NBDY: variants seen among roughly 807,000 people sequenced by gnomAD.
The protein encoded by NBDY is negative regulator of P-body association.
intron 2 of NBDY, among the ~76,000 whole-genome samples, chrX:56,741,234 G>A (rs1253615768): frequency 9.0e-6 from 1 of 111,468 alleles, no homozygotes; most frequent in Non-Finnish European, 1.9e-5. Flanking sequence ...CTTCGTTCAT[G>A]TATCTGTTGA....
At chrX:56,737,526 G>A (rs1178008340) in intron 2 of NBDY, 44 of 954,410 alleles carry the variant, frequency 4.6e-5, no homozygotes, top group South Asian at 2.8e-4. Flanking sequence ...TACCATTTTC[G>A]AATACCATCC....
chrX:56,753,194 G>A (rs1439715655), intron 2 of NBDY, among the ~76,000 whole-genome samples: 1 of 112,395 alleles, frequency 8.9e-6, no homozygotes, highest in Non-Finnish European at 1.9e-5. Flanking sequence ...CCATGCACCT[G>A]TTCTTGAAGA....
intron 2 of NBDY, 77 bp downstream of exon 2, chrX:56,732,276 A>G (rs1022081694): frequency 4.2e-5 from 12 of 287,470 alleles, no homozygotes; most frequent in Non-Finnish European, 6.7e-5. Flanking sequence ...AAAAGTAGCC[A>G]AACAAAACTC....
chrX:56,732,025 G>GA (rs1413262898), intron 1 of NBDY, 38 bp from the exon 2 acceptor site: 2 of 292,003 alleles, frequency 6.8e-6, no homozygotes, highest in African/African-American at 2.8e-5. Flanking sequence ...GACAAAAACA[G>GA]AAAAAATGAT....
At chrX:56,738,873 A>T (rs1385321841) in intron 2 of NBDY, among the ~76,000 whole-genome samples, 2 of 110,867 alleles carry the variant, frequency 1.8e-5, no homozygotes, top group Non-Finnish European at 3.8e-5. Flanking sequence ...TAGAAATGTG[A>T]CTGGACTAAA....
At chrX:56,731,297 G>A (rs1305082995) in intron 1 of NBDY, among the ~76,000 whole-genome samples, 1 of 108,293 alleles carries the variant, frequency 9.2e-6, no homozygotes, top group Non-Finnish European at 1.9e-5. Context: ...AGTGGCTCAC[G>A]CCTGTAATCC....
intron 2 of NBDY, among the ~76,000 whole-genome samples, chrX:56,814,361 A>G (rs923461770): frequency 1.2e-4 from 13 of 110,390 alleles, no homozygotes; most frequent in Admixed American, 2.9e-4. Flanking sequence ...TTTAAGAAAC[A>G]GTTTTATTAA....
intron 2 of NBDY, among the ~76,000 whole-genome samples, chrX:56,798,512 G>C (rs1190311629): frequency 9.0e-6 from 1 of 111,679 alleles, no homozygotes; most frequent in African/African-American, 3.3e-5. Context: ...CAGTCTGCCC[G>C]TTCTGGTGAC....
intron 2 of NBDY, among the ~76,000 whole-genome samples, chrX:56,801,206 A>G: frequency 8.9e-6 from 1 of 111,864 alleles, no homozygotes; most frequent in Middle Eastern, 4.6e-3. Context: ...CTTGTTGTGT[A>G]TGCCACCATG....
chrX:56,763,331 T>A (rs1435857704), intron 2 of NBDY, among the ~76,000 whole-genome samples: 4 of 110,934 alleles, frequency 3.6e-5, no homozygotes, highest in Admixed American at 1.9e-4. Context: ...CCCACCCCCA[T>A]CTGTGTGAAA....
At chrX:56,742,792 T>A (rs1312097952) in intron 2 of NBDY, among the ~76,000 whole-genome samples, 1 of 111,677 alleles carries the variant, frequency 9.0e-6, no homozygotes, top group East Asian at 2.8e-4. Flanking sequence ...GACTTCTTCC[T>A]TTCCAATTTG....
At position 56,767,929 on chromosome X, in the gene NBDY, G is replaced by C. The variant is rs1170541123; in HGVS notation, c.*166+35730G>C. 3.2e-3 allele frequency among the ~76,000 whole-genome samples: 178 copies of C among 55,952 alleles called. 2 individuals are homozygous for C. Among genetic ancestry groups the C allele is most frequent in the African/African-American group, 0.012 (169 of 13,532 alleles). 48.6% of individuals were successfully genotyped at this position (55,952 alleles called of 115,157 possible). A position where few individuals can be genotyped will look rare whatever the true frequency, so the allele number is the denominator to read the frequency against. On this transcript the variant is annotated intron_variant, in intron 2 of 2. Coordinates refer to ENST00000374922, the MANE Select transcript of NBDY (RefSeq NM_001348129.2). ...AAGCGAGACGAGAGAGGAACTCCTC[G>C]CTGGCCCTTGGCCTGGGCTCATTCC...
rs191911244 is a variant in NBDY, at chrX:56,781,031, C to T, written c.*167-36289C>T. ...TCTCATAAGTGTATACCATCCACCT[C>T]GGGGCCCCTCCTTTTGTGCCTTGGG... On this transcript the variant is annotated intron_variant, in intron 2 of 2. Coordinates refer to ENST00000374922, the MANE Select transcript of NBDY (RefSeq NM_001348129.2). 2.6e-3 allele frequency among the ~76,000 whole-genome samples: 292 copies of T among 111,040 alleles called. 2 individuals carry two copies. Among genetic ancestry groups the T allele is most frequent in the African/African-American group, 9.2e-3 (279 of 30,488 alleles).
At chrX:56,734,521 T>C (rs1171837139) in intron 2 of NBDY, among the ~76,000 whole-genome samples, 1 of 112,655 alleles carries the variant, frequency 8.9e-6, no homozygotes, top group Admixed American at 9.4e-5. Flanking sequence ...TTTTAAACTG[T>C]ACAAAGCAAA....
At chrX:56,749,849 G>T (rs1484033153) in intron 2 of NBDY, among the ~76,000 whole-genome samples, 2 of 110,541 alleles carry the variant, frequency 1.8e-5, no homozygotes, top group Non-Finnish European at 3.8e-5. Context: ...ACGGGGTTTT[G>T]CCATGTTACC....
chrX:56,812,493 T>G (rs1026655581), intron 2 of NBDY, among the ~76,000 whole-genome samples: 2 of 110,473 alleles, frequency 1.8e-5, no homozygotes, highest in Non-Finnish European at 3.8e-5. Context: ...CTTGGCCTTA[T>G]GTACTAGGGA....
intron 2 of NBDY, among the ~76,000 whole-genome samples, chrX:56,757,297 C>T (rs781131855): frequency 8.9e-6 from 1 of 111,943 alleles, no homozygotes; most frequent in East Asian, 2.8e-4. Context: ...GACAAATGAA[C>T]TCAGGGTTAA....
intron 2 of NBDY, among the ~76,000 whole-genome samples, chrX:56,805,947 T>A (rs1602669014): frequency 1.8e-5 from 2 of 111,209 alleles, no homozygotes; most frequent in African/African-American, 3.3e-5. Flanking sequence ...ATTAGGTATT[T>A]CTCTTAATGC....
At chrX:56,753,082 G>A (rs1451633132) in intron 2 of NBDY, among the ~76,000 whole-genome samples, 1 of 112,199 alleles carries the variant, frequency 8.9e-6, no homozygotes, top group Non-Finnish European at 1.9e-5. Flanking sequence ...AGAAAGAAAG[G>A]GTGTTAATTT....
Sources: gnomAD v4.1 joint callset for allele counts (sites outside exome capture counted in the v4.1 genomes callset) on GRCh38, gnomAD v4.1.1 for gene constraint, MANE v1.5 for transcripts, NCBI Gene and HGNC (gene_info 2026-07-23, HGNC 2026-07-21) for gene names.